The following TST variants were observed in gnomAD, a reference collection of about 807,000 sequenced individuals.
TST encodes the protein epididymis secretory sperm binding protein.
Under a neutral mutation model 20.4 loss-of-function variants are expected in TST, and 22 were observed. The observed-to-expected ratio is 1.08, with a 90% CI of 0.77 to 1.54. The LOEUF (loss-of-function observed/expected upper bound fraction) is 1.54, where lower values mean the gene tolerates loss of function less well. Among genes scored for constraint, TST ranks in the 40% most tolerant of loss-of-function variants. The pLI, the probability that TST is intolerant of heterozygous loss-of-function variation, is 0.00. For missense variants in TST, 392 were observed against 405.2 expected, an observed-to-expected ratio of 0.97 and a Z score of 0.28; for synonymous variants, 187 against 173.8, an observed-to-expected ratio of 1.08 and a Z score of -0.60.
intron 2 of TST, among the ~76,000 whole-genome samples, chr22:37,016,720 A>C (rs755264188): frequency 5.9e-5 from 9 of 152,210 alleles, no homozygotes; most frequent in Non-Finnish European, 1.2e-4. Context: ...GTTCCCAGCC[A>C]GGATTCTCTG....
chr22:37,019,272 TC>T lies in TST; in HGVS notation c.-22+127del, dbSNP rs371331912. ...GAGTCCGGCCCGTAGCTCGCTGCCCTCTGCCCTAGGTGGATCAGGGGTTCCC... is the reference window on the plus strand; with the variant it reads ...GAGTCCGGCCCGTAGCTCGCTGCCCTTGCCCTAGGTGGATCAGGGGTTCCC... On this transcript the variant is annotated intron_variant, in intron 1 of 2. Coordinates refer to ENST00000249042, the MANE Select transcript of TST (RefSeq NM_003312.6). 212 of 156,220 alleles carry T rather than the reference TC, an allele frequency of 1.4e-3. 4 individuals carry two copies. The East Asian group carries it at 0.026, about 19-fold the overall frequency. The allele number at this position is 156,220 out of a possible 1,614,324, so 9.7% of individuals were successfully genotyped here.
At position 37,018,568 on chromosome 22, in the gene TST, G is replaced by T. The variant is rs1475560931; in HGVS notation, c.165C>A (p.Gly55=). 6 of 1,564,876 alleles carry T rather than the reference G, an allele frequency of 3.8e-6. No homozygotes were observed. The highest frequency in any genetic ancestry group is 2.4e-5 in the East Asian group (1 of 41,928). The change falls in exon 2 of 3, where the codon GGC becomes GGA. Residue 55 remains glycine, a synonymous_variant. Transcript: ENST00000249042. The part of the protein sequence containing the change: ...RKEYLERHVP[G]ASFFDIEECR... ...ACTCTTCTATGTCAAAGAAAGAGGC[G>T]CCGGGTACGTGGCGCTCGAGGTACT...
At chr22:37,012,960 T>G (rs902711380) in intron 2 of TST, among the ~76,000 whole-genome samples, 1 of 151,978 alleles carries the variant, frequency 6.6e-6, no homozygotes. Context: ...GAGAAACGCT[T>G]GAACCTGTGA....
chr22:37,019,561 TTCGCGCCCGGCACCTGCCAACC>T (rs1184702176), upstream of TST: 3 of 155,228 alleles, frequency 1.9e-5, no homozygotes, highest in African/African-American at 7.3e-5. Flanking sequence ...GCGCGGCCGC[TTCGCGCCCGGCACCTGCCAACC>T]TCGCGCGCGG....
At chr22:37,011,421 A>AGCT (rs755582858) in intron 2 of TST, 96 bp from the exon 3 acceptor site, 7 of 1,314,856 alleles carry the variant, frequency 5.3e-6, no homozygotes, top group Non-Finnish European at 7.3e-6. Flanking sequence ...AAGGATAGAT[A>AGCT]GCTTTGCAAA....
At chr22:37,016,462 C>T (rs866093339) in intron 2 of TST, among the ~76,000 whole-genome samples, 10 of 152,126 alleles carry the variant, frequency 6.6e-5, no homozygotes, top group South Asian at 6.2e-4. Flanking sequence ...TTCAGCATCC[C>T]GGGCCTTCAG....
At chr22:37,015,135 T>C (rs1055290926) in intron 2 of TST, among the ~76,000 whole-genome samples, 1 of 152,140 alleles carries the variant, frequency 6.6e-6, no homozygotes, top group Non-Finnish European at 1.5e-5. Context: ...TGGGGTCAAG[T>C]CTCTGCCACT....
upstream of TST, chr22:37,019,835 C>T: frequency 8.3e-7 from 1 of 1,210,834 alleles, no homozygotes; most frequent in Non-Finnish European, 1.0e-6. Context: ...GCCGCGGGGG[C>T]CATGGCGGAG....
At chr22:37,017,450 C>T (rs150619134) in intron 2 of TST, among the ~76,000 whole-genome samples, 5 of 152,306 alleles carry the variant, frequency 3.3e-5, no homozygotes, top group East Asian at 1.9e-4. Flanking sequence ...GCATTGGATT[C>T]GAATCCTGCC....
rs767253016 is a variant in TST at position 37,018,350 on chromosome 22, T to C, written c.383A>G (p.Asn128Ser). ...CTTCAGCCAGTTCCGGAAGCCACCA[T>C]TGAGCACTGATACGGTGCGGTGGCC... ...VFGHRTVSVL[N>S]GGFRNWLKEG... is the part of the protein sequence containing the mutation. The change falls in exon 2 of 3, where the codon AAT (asparagine) becomes AGT (serine). Residue 128 changes from asparagine (N) to serine (S), a missense_variant. Asn to Ser is a conservative substitution (Grantham distance 46, BLOSUM62 1). Coordinates refer to ENST00000249042, the MANE Select transcript of TST (RefSeq NM_003312.6). 3.7e-6 allele frequency: 6 copies of C among 1,613,856 alleles called. No homozygotes were observed. The African/African-American group carries it at 4.0e-5, about 11-fold the overall frequency.
upstream of TST, chr22:37,019,812 GA>G (rs1391967006): frequency 7.7e-6 from 9 of 1,164,640 alleles, no homozygotes; most frequent in African/African-American, 9.5e-5. Flanking sequence ...CGGGCGCGGG[GA>G]GGGGGCGCCG....
At chr22:37,017,307 T>G (rs1402073980) in intron 2 of TST, among the ~76,000 whole-genome samples, 1 of 152,160 alleles carries the variant, frequency 6.6e-6, no homozygotes, top group Non-Finnish European at 1.5e-5. Flanking sequence ...TGGCCTTCCC[T>G]TCCACAGGAG....
At position 37,018,616 on chromosome 22, in the gene TST, T is replaced by C; in HGVS notation, c.117A>G (p.Pro39=). 1 of 1,571,652 alleles carries C rather than the reference T, an allele frequency of 6.4e-7. No homozygotes were observed. Among genetic ancestry groups the C allele is most frequent in the Non-Finnish European group, 8.6e-7 (1 of 1,159,188 alleles). ...LRVLDASWYS[P]GTREARKEYL... ...ACTCCTTGCGGGCCTCTCGGGTGCC[T>C]GGTGAGTACCAGGACGCGTCCAGCA... Residue 39 remains proline, a synonymous_variant, in exon 2 of 3, where the codon CCA becomes CCG. Transcript: ENST00000249042.
upstream of TST, chr22:37,019,963 G>T (rs1922938524): frequency 6.8e-6 from 4 of 591,558 alleles, no homozygotes; most frequent in Non-Finnish European, 1.0e-5. Flanking sequence ...CGCGGGACCT[G>T]GGCGGAAGAG....
In TST at chr22:37,011,105, G is replaced by A. The variant is rs375756604; in HGVS notation, c.816C>T (p.Tyr272=). 1.9e-5 allele frequency: 30 copies of A among 1,613,510 alleles called. No individual in the cohort carries two copies. Among genetic ancestry groups the A allele is most frequent in the African/African-American group, 9.3e-5 (7 of 75,056 alleles). ...YLCGKPDVAV[Y]DGSWSEWFRR... ...GAAACCACTCGGACCAGGAGCCATCGTACACGGCCACATCAGGCTTGCCGC... is the reference window on the plus strand; with the variant it reads ...GAAACCACTCGGACCAGGAGCCATCATACACGGCCACATCAGGCTTGCCGC... Residue 272 remains tyrosine, a synonymous_variant, in exon 3 of 3, where the codon TAC becomes TAT. Transcript: ENST00000249042.
intron 2 of TST, among the ~76,000 whole-genome samples, chr22:37,017,006 G>A (rs1460846410): frequency 6.6e-6 from 1 of 152,198 alleles, no homozygotes; most frequent in African/African-American, 2.4e-5. Flanking sequence ...AGGAAGAGAT[G>A]TTTTTCAACA....
At chr22:37,017,566 T>C (rs9622534) in intron 2 of TST, among the ~76,000 whole-genome samples, 18,248 of 151,954 alleles carry the variant, frequency 0.12, 1,248 homozygotes, top group Non-Finnish European at 0.16. Flanking sequence ...GTGTCTGGCA[T>C]GAAATGGCAG....
In TST at chr22:37,015,385, ACTC is replaced by A. The variant is rs1337755410; in HGVS notation, c.595+2750_595+2752del. On this transcript the variant is annotated intron_variant, in intron 2 of 2. Coordinates refer to ENST00000249042, the MANE Select transcript of TST (RefSeq NM_003312.6). Reference sequence around the variant, plus strand: ...TCGATAAAGAAACTGGGCTGGATAAACTCCTACTCTGCCTCTCTCACTTCCTCC... The same window carrying A: ...TCGATAAAGAAACTGGGCTGGATAAACTACTCTGCCTCTCTCACTTCCTCC... Among the ~76,000 whole-genome samples the A allele has an allele frequency of 9.8e-4, 149 of 152,236 alleles. 1 individual carries two copies. In the South Asian group the frequency reaches 0.031, roughly 31 times the overall value.
intron 1 of TST, chr22:37,018,998 G>A: frequency 2.5e-6 from 1 of 399,162 alleles, no homozygotes; most frequent in Admixed American, 4.0e-5. Flanking sequence ...AAGAGTTTCC[G>A]AGGACTCCAA....
Sources: allele counts gnomAD v4.1 joint callset (sites outside exome capture counted in the v4.1 genomes callset), GRCh38; gene constraint gnomAD v4.1.1; transcripts MANE v1.5; gene names NCBI Gene and HGNC (gene_info 2026-07-23, HGNC 2026-07-21).